The following GPHN variants were observed in gnomAD, a reference collection of about 807,000 sequenced individuals.
The protein encoded by GPHN is gephyrin.
Under a neutral mutation model 95.5 loss-of-function variants are expected in GPHN, and 17 were observed. The observed-to-expected ratio is 0.18, with a 90% CI of 0.12 to 0.27. GPHN has a LOEUF of 0.27. Ranked by LOEUF, GPHN falls within the 10% of genes least tolerant of loss-of-function variation. The pLI is 1.00. For synonymous variants in GPHN, 320 were observed against 322.5 expected (o/e 0.99, Z 0.08); for missense variants, 660 against 978.1 (o/e 0.67, Z 4.34).
chr14:67,733,713 T>A, the GPHN span: 1 of 1,428,244 alleles, frequency 7.0e-7, no homozygotes, highest in Non-Finnish European at 9.9e-7. Flanking sequence ...TAATTCTCAT[T>A]CCTGGAATTT....
Position 66,587,467 on chromosome 14 carries a change from A to G in GPHN, c.64+78876A>G, listed in dbSNP as rs116520929. The stretch of plus-strand genomic sequence containing the variant: ...CAATATTCCTGATAAACAGATGCAG[A>G]TATTCTCAATAAAATACTAGCAAAT... On this transcript the variant is annotated intron_variant, in intron 1 of 22. Transcript: ENST00000478722. Among the ~76,000 whole-genome samples, 1,198 of 152,300 alleles carry G rather than the reference A, an allele frequency of 7.9e-3. 8 individuals carry two copies. The highest frequency in any genetic ancestry group is 0.027 in the African/African-American group (1,143 of 41,566).
chr14:67,372,288 T>G, the GPHN span, among the ~76,000 whole-genome samples: 1 of 152,170 alleles, frequency 6.6e-6, no homozygotes, highest in Non-Finnish European at 1.5e-5. Context: ...CACCTCACCT[T>G]ATACAAAAGT....
the GPHN span, among the ~76,000 whole-genome samples, chr14:67,280,903 CTT>C: frequency 2.1e-5 from 2 of 93,480 alleles, no homozygotes; most frequent in Non-Finnish European, 2.2e-5. Flanking sequence ...TTCTTTCTTT[CTT>C]TTTTTTTTTG....
At chr14:66,909,001 G>C (rs1261400544) in intron 5 of GPHN, among the ~76,000 whole-genome samples, 1 of 151,976 alleles carries the variant, frequency 6.6e-6, no homozygotes, top group Non-Finnish European at 1.5e-5. Context: ...ACAGAAAAAG[G>C]GTATTAAGTA....
chr14:67,589,687 G>C, the GPHN span: 2 of 992,752 alleles, frequency 2.0e-6, no homozygotes, highest in Admixed American at 5.8e-5. Flanking sequence ...CTTTACACAA[G>C]GGGTACTATT....
the GPHN span, among the ~76,000 whole-genome samples, chr14:67,251,550 A>G: frequency 6.6e-6 from 1 of 151,924 alleles, no homozygotes; most frequent in East Asian, 1.9e-4. Flanking sequence ...AAAAAAAAGT[A>G]GTTGAATTAA....
chr14:67,491,969 C>G, the GPHN span, among the ~76,000 whole-genome samples: 1 of 152,190 alleles, frequency 6.6e-6, no homozygotes, highest in Non-Finnish European at 1.5e-5. Context: ...CTGTCCTTCC[C>G]CTCTGTGCCC....
At chr14:66,689,495 G>A (rs1208677939) in intron 2 of GPHN, among the ~76,000 whole-genome samples, 1 of 152,150 alleles carries the variant, frequency 6.6e-6, no homozygotes, top group Non-Finnish European at 1.5e-5. Context: ...GTTCATCAGG[G>A]ATGTTGGTCT....
chr14:66,532,289 G>A (rs2058973191), intron 1 of GPHN, among the ~76,000 whole-genome samples: 1 of 152,158 alleles, frequency 6.6e-6, no homozygotes, highest in South Asian at 2.1e-4. Context: ...GCTCAACTGG[G>A]ATTGTTGGCC....
intron 3 of GPHN, among the ~76,000 whole-genome samples, chr14:66,785,583 AT>A (rs1244671739): frequency 6.6e-6 from 1 of 151,524 alleles, no homozygotes; most frequent in Non-Finnish European, 1.5e-5. Flanking sequence ...AACAACACAC[AT>A]TTTTTTTCAA....
intron 9 of GPHN, among the ~76,000 whole-genome samples, chr14:67,020,655 C>A (rs2073568735): frequency 1.3e-5 from 2 of 152,084 alleles, no homozygotes; most frequent in Non-Finnish European, 2.9e-5. Context: ...TTAAGTCCTT[C>A]ATGTTTTTTA....
the GPHN span, chr14:67,412,256 C>G: frequency 2.1e-6 from 1 of 468,590 alleles, no homozygotes; most frequent in Non-Finnish European, 3.7e-6. Context: ...GGATTTCTGA[C>G]GTGACGTTTC....
chr14:67,430,652 G>T, the GPHN span, among the ~76,000 whole-genome samples: 44 of 152,232 alleles, frequency 2.9e-4, 1 homozygote, highest in South Asian at 9.1e-3. Context: ...CTGTGGAGTG[G>T]AGTCTTGGTG....
Position 67,109,966 on chromosome 14 carries a change from A to T in GPHN, c.1294-174A>T, listed in dbSNP as rs79242328. On this transcript the variant is annotated intron_variant, in intron 13 of 22. Transcript: ENST00000478722. ...GCTTAAATGAACCTAAAGCCCCTTT[A>T]GTGTGAGTGCACCTGTTTGTGGATA... Among the ~76,000 whole-genome samples, 174 of 152,352 alleles carry T rather than the reference A, an allele frequency of 1.1e-3. 1 individual carries two copies. The highest frequency in any genetic ancestry group is 2.1e-3 in the South Asian group (10 of 4,830).
chr14:66,570,177 C>A (rs2060625772), intron 1 of GPHN, among the ~76,000 whole-genome samples: 1 of 151,048 alleles, frequency 6.6e-6, no homozygotes, highest in Non-Finnish European at 1.5e-5. Flanking sequence ...ACCACATTTT[C>A]TTTATCCATT....
chr14:66,523,271 T>C (rs1461906614), intron 1 of GPHN, among the ~76,000 whole-genome samples: 2 of 152,212 alleles, frequency 1.3e-5, no homozygotes, highest in East Asian at 3.9e-4. Flanking sequence ...TTGCTAAATA[T>C]ATAGACCTTA....
chr14:67,315,370 G>A, the GPHN span, among the ~76,000 whole-genome samples: 11 of 144,360 alleles, frequency 7.6e-5, no homozygotes, highest in South Asian at 2.2e-4. Flanking sequence ...TCCGCCTCCC[G>A]GGCTCATGCC....
At chr14:67,246,649 GTTTTTTTTTTTTT>G in the GPHN span, among the ~76,000 whole-genome samples, 3 of 112,208 alleles carry the variant, frequency 2.7e-5, no homozygotes, top group Non-Finnish European at 5.2e-5. Context: ...CCTACTATAG[GTTTTTTTTTTTTT>G]TTTTTTTGAG....
In GPHN at chr14:67,016,249, A is replaced by C. The variant is rs181361448; in HGVS notation, c.964-7384A>C. Among the ~76,000 whole-genome samples the C allele has an allele frequency of 6.0e-4, 92 of 152,180 alleles. 7 individuals carry two copies. In the East Asian group the frequency reaches 8.5e-3, roughly 14 times the overall value. On this transcript the variant is annotated intron_variant, in intron 9 of 22. Transcript: ENST00000478722. Reference sequence around the variant, plus strand: ...ATATTTTTTTCATAAAAATATTTTTAAGTGTATAAAATAAAATATATAACA... The same window carrying C: ...ATATTTTTTTCATAAAAATATTTTTCAGTGTATAAAATAAAATATATAACA...
Sources: gnomAD v4.1 joint callset for allele counts (sites outside exome capture counted in the v4.1 genomes callset) on GRCh38, gnomAD v4.1.1 for gene constraint, MANE v1.5 for transcripts, NCBI Gene and HGNC (gene_info 2026-07-23, HGNC 2026-07-21) for gene names.